The following TMEM178B variants were observed in gnomAD, a reference collection of about 807,000 sequenced individuals.
The protein encoded by TMEM178B is transmembrane protein 178B.
A neutral mutation model predicts 31.0 loss-of-function variants in TMEM178B; 5 were observed. The ratio of observed to expected loss-of-function variants is 0.16; its 90% CI spans 0.08 to 0.34. The LOEUF is 0.34. TMEM178B is among the 10% of genes least tolerant of loss of function. TMEM178B has a pLI of 1.00. For synonymous variants in TMEM178B, 164 were observed against 164.0 expected (o/e 1.00, Z 0.00); for missense variants, 275 against 400.3 (o/e 0.69, Z 2.67).
intron 1 of TMEM178B, among the ~76,000 whole-genome samples, chr7:141,175,414 C>T (rs1165750358): frequency 1.3e-5 from 2 of 152,092 alleles, no homozygotes; most frequent in Non-Finnish European, 2.9e-5. Context: ...CAGCTTTGTT[C>T]TTTCTGCTTA....
intron 2 of TMEM178B, among the ~76,000 whole-genome samples, chr7:141,270,408 C>T (rs894568100): frequency 2.0e-5 from 3 of 152,008 alleles, no homozygotes; most frequent in African/African-American, 7.2e-5. Flanking sequence ...ATTCTCCTGC[C>T]GAGGGACAAT....
At chr7:141,118,360 C>T (rs1795353836) in intron 1 of TMEM178B, among the ~76,000 whole-genome samples, 2 of 152,230 alleles carry the variant, frequency 1.3e-5, no homozygotes, top group South Asian at 4.1e-4. Context: ...TCAATCTTAG[C>T]TTCTGCATTT....
intron 2 of TMEM178B, among the ~76,000 whole-genome samples, chr7:141,285,199 C>T (rs1474676387): frequency 9.0e-6 from 1 of 110,720 alleles, no homozygotes; most frequent in East Asian, 2.9e-4. Flanking sequence ...CTCGCTTTGT[C>T]GAGTGCAGTG....
chr7:141,263,806 C>T lies in TMEM178B; in HGVS notation c.496+51102C>T, dbSNP rs569885694. 6.4e-4 allele frequency among the ~76,000 whole-genome samples: 97 copies of T among 152,294 alleles called. 1 individual carries two copies. The South Asian group carries it at 0.017, about 27-fold the overall frequency. ...TCATCTCTGACACCAATTGTAGATT[C>T]AGAGGTCCCCAGGACCACTTTTACT... is the stretch of plus-strand genomic sequence containing the variant. On this transcript the variant is annotated intron_variant, in intron 2 of 3. Coordinates refer to ENST00000565468, the MANE Select transcript of TMEM178B (RefSeq NM_001195278.2).
At chr7:141,123,361 C>T (rs1461093286) in intron 1 of TMEM178B, among the ~76,000 whole-genome samples, 5 of 152,196 alleles carry the variant, frequency 3.3e-5, no homozygotes, top group East Asian at 3.8e-4. Flanking sequence ...CTGAGGTCTG[C>T]GTGGCTTTCC....
At chr7:141,260,654 A>G (rs1797999072) in intron 2 of TMEM178B, among the ~76,000 whole-genome samples, 1 of 152,218 alleles carries the variant, frequency 6.6e-6, no homozygotes, top group African/African-American at 2.4e-5. Flanking sequence ...TGAAATAAAC[A>G]TGGTGCATCT....
At chr7:141,220,040 C>T (rs890518020) in intron 2 of TMEM178B, among the ~76,000 whole-genome samples, 1 of 152,076 alleles carries the variant, frequency 6.6e-6, no homozygotes, top group African/African-American at 2.4e-5. Context: ...GAATGTTGGG[C>T]CAGGCATGGT....
intron 1 of TMEM178B, among the ~76,000 whole-genome samples, chr7:141,170,156 C>G (rs561052125): frequency 7.2e-5 from 11 of 152,258 alleles, no homozygotes; most frequent in Admixed American, 2.0e-4. Flanking sequence ...TAAGTTTTCT[C>G]AAGTGTGATT....
intron 2 of TMEM178B, among the ~76,000 whole-genome samples, chr7:141,424,228 G>A (rs948227177): frequency 1.6e-4 from 24 of 152,274 alleles, no homozygotes; most frequent in Admixed American, 5.9e-4. Context: ...CCAGGCACAC[G>A]TCACTGAAAG....
intron 1 of TMEM178B, among the ~76,000 whole-genome samples, chr7:141,151,046 T>A (rs1795965239): frequency 6.6e-6 from 1 of 152,226 alleles, no homozygotes; most frequent in Non-Finnish European, 1.5e-5. Context: ...GTCATTCATT[T>A]AATTATTCCT....
intron 1 of TMEM178B, among the ~76,000 whole-genome samples, chr7:141,114,499 T>C (rs1005516): frequency 0.58 from 87,692 of 152,190 alleles, 26,554 homozygotes; most frequent in East Asian, 0.81. Context: ...GCCTGTGCTA[T>C]CTGGAGATGC....
chr7:141,139,793 C>T (rs1795741348), intron 1 of TMEM178B, among the ~76,000 whole-genome samples: 1 of 150,212 alleles, frequency 6.7e-6, no homozygotes, highest in South Asian at 2.1e-4. Context: ...GACAGAGTCT[C>T]TCACTCTTGT....
rs374736581 is a variant in TMEM178B at position 141,304,618 on chromosome 7, GGCTTCAGGCCTGCT to G, written c.496+91917_496+91930del. 3.4e-3 allele frequency among the ~76,000 whole-genome samples: 517 copies of G among 152,178 alleles called. 1 individual carries two copies. The highest frequency in any genetic ancestry group is 0.012 in the African/African-American group (494 of 41,526). ...TACATCACCAGCCCTAGCCTCTCCA[GGCTTCAGGCCTGCT>G]GCCCAACTCCCTGTTGCACAGTTGC... On this transcript the variant is annotated intron_variant, in intron 2 of 3. Coordinates refer to ENST00000565468, the MANE Select transcript of TMEM178B (RefSeq NM_001195278.2).
chr7:141,485,039 C>G (rs1475765637), downstream of TMEM178B, among the ~76,000 whole-genome samples: 6 of 152,174 alleles, frequency 3.9e-5, no homozygotes, highest in African/African-American at 1.4e-4. Flanking sequence ...GGGAACAAGG[C>G]CTAATGAGCA....
chr7:141,370,165 A>G (rs1800090170), intron 2 of TMEM178B, among the ~76,000 whole-genome samples: 1 of 152,126 alleles, frequency 6.6e-6, no homozygotes, highest in Admixed American at 6.5e-5. Flanking sequence ...CAGGGGTGGC[A>G]GCAGAGAGAA....
intron 1 of TMEM178B, among the ~76,000 whole-genome samples, chr7:141,125,700 AAAAG>A (rs917726195): frequency 6.6e-6 from 1 of 151,874 alleles, no homozygotes; most frequent in Non-Finnish European, 1.5e-5. Context: ...AAAAAAAAGA[AAAAG>A]AAAAAGAAAA....
intron 3 of TMEM178B, among the ~76,000 whole-genome samples, chr7:141,457,687 G>C (rs903324953): frequency 8.5e-5 from 13 of 152,236 alleles, no homozygotes; most frequent in African/African-American, 3.1e-4. Context: ...AGAGAAGCCA[G>C]GGTCAGAACC....
chr7:141,279,823 G>A (rs956713255), intron 2 of TMEM178B, among the ~76,000 whole-genome samples: 9 of 152,358 alleles, frequency 5.9e-5, no homozygotes, highest in Non-Finnish European at 8.8e-5. Flanking sequence ...TGTAGCCATC[G>A]GTGGATTCCC....
intron 2 of TMEM178B, among the ~76,000 whole-genome samples, chr7:141,339,777 C>CAGGG (rs1455964152): frequency 6.6e-6 from 1 of 152,190 alleles, no homozygotes; most frequent in East Asian, 1.9e-4. Context: ...TAGGCAGGAC[C>CAGGG]AGGGACAGCA....
Sources: gnomAD v4.1 joint callset for allele counts (sites outside exome capture counted in the v4.1 genomes callset) on GRCh38, gnomAD v4.1.1 for gene constraint, MANE v1.5 for transcripts, NCBI Gene and HGNC (gene_info 2026-07-23, HGNC 2026-07-21) for gene names.